The following PPP3R1 variants were observed in gnomAD, a reference collection of about 807,000 sequenced individuals.
PPP3R1 encodes the protein calcineurin subunit B type 1.
PPP3R1 carries 5 observed loss-of-function variants against 22.6 expected under a neutral mutation model. The ratio of observed to expected loss-of-function variants is 0.22; its 90% confidence interval spans 0.12 to 0.46. The LOEUF (loss-of-function observed/expected upper bound fraction) is 0.46, where lower values mean the gene tolerates loss of function less well. PPP3R1 is among the 20% of genes least tolerant of loss of function. PPP3R1 has a pLI of 0.99. For synonymous variants in PPP3R1, 56 were observed against 65.2 expected, an observed-to-expected ratio of 0.86 and a Z score of 0.68; for missense variants, 61 against 203.2, an observed-to-expected ratio of 0.30 and a Z score of 4.25.
chr2:68,220,619 G>C (rs778791679), intron 1 of PPP3R1, among the ~76,000 whole-genome samples: 2 of 152,124 alleles, frequency 1.3e-5, no homozygotes, highest in South Asian at 2.1e-4. Context: ...AAACTCTTAC[G>C]TTCTTTAAAG....
chr2:68,232,223 ATGTGT>A (rs1669926919), intron 1 of PPP3R1, among the ~76,000 whole-genome samples: 2 of 45,760 alleles, frequency 4.4e-5, no homozygotes, highest in African/African-American at 1.4e-4. Context: ...ATATGTATAT[ATGTGT>A]GTGTGTGTGT....
chr2:68,200,977 C>T (rs1242336153), intron 2 of PPP3R1, among the ~76,000 whole-genome samples: 1 of 152,016 alleles, frequency 6.6e-6, no homozygotes, highest in Non-Finnish European at 1.5e-5. Flanking sequence ...ACAAATATAC[C>T]TTCAAGTATT....
chr2:68,228,332 G>T (rs796117185), intron 1 of PPP3R1, among the ~76,000 whole-genome samples: 6 of 152,140 alleles, frequency 3.9e-5, no homozygotes, highest in African/African-American at 1.4e-4. Flanking sequence ...TGAGGATGTT[G>T]GTCCATAGTT....
At chr2:68,182,074 C>G (rs369581612) in intron 5 of PPP3R1, among the ~76,000 whole-genome samples, 4,678 of 54,118 alleles carry the variant, frequency 0.086, 393 homozygotes, top group African/African-American at 0.33. Flanking sequence ...TCCTCCAACC[C>G]CCCCCTCCCC....
Position 68,217,385 on chromosome 2 carries a change from A to G in PPP3R1, c.4-254T>C, listed in dbSNP as rs79252491. On this transcript the variant is annotated intron_variant, in intron 1 of 5. Transcript: ENST00000234310. ...ATTTATGCAAATATTTGATTGCAAT[A>G]TATTTCAAATATTTTCTAATACCCT... Among the ~76,000 whole-genome samples, 276 of 152,272 alleles carry G rather than the reference A, an allele frequency of 1.8e-3. 7 individuals are homozygous for G. In the East Asian group the frequency reaches 0.05, roughly 28 times the overall value.
intron 5 of PPP3R1, among the ~76,000 whole-genome samples, chr2:68,185,436 CTTATA>C (rs996550848): frequency 1.5e-5 from 2 of 130,280 alleles, no homozygotes; most frequent in African/African-American, 5.1e-5. Context: ...ATTTATATTT[CTTATA>C]TTTATATTAT....
intron 2 of PPP3R1, among the ~76,000 whole-genome samples, chr2:68,198,031 G>T: frequency 1.2e-5 from 1 of 84,450 alleles, no homozygotes; most frequent in African/African-American, 4.5e-5. Context: ...CTGTTTTGTT[G>T]AAAAGGCTCC....
chr2:68,232,292 T>C (rs1479738850), intron 1 of PPP3R1, among the ~76,000 whole-genome samples: 3 of 135,554 alleles, frequency 2.2e-5, no homozygotes, highest in Non-Finnish European at 3.2e-5. Flanking sequence ...CACACAAAAA[T>C]TAGCCAGGCG....
intron 1 of PPP3R1, among the ~76,000 whole-genome samples, chr2:68,234,337 C>T (rs539188609): frequency 4.7e-5 from 7 of 150,340 alleles, no homozygotes; most frequent in African/African-American, 1.5e-4. Context: ...AGTGAGACTC[C>T]GTCCAAAAAA....
intron 5 of PPP3R1, among the ~76,000 whole-genome samples, chr2:68,184,878 A>C (rs779624892): frequency 6.6e-6 from 1 of 152,206 alleles, no homozygotes; most frequent in Non-Finnish European, 1.5e-5. Context: ...GCTTGAAGCT[A>C]GGAGCTGGAG....
chr2:68,238,709 T>C (rs1670063470), intron 1 of PPP3R1, among the ~76,000 whole-genome samples: 3 of 152,130 alleles, frequency 2.0e-5, no homozygotes, highest in Admixed American at 1.3e-4. Flanking sequence ...GCTATCAAAA[T>C]AGCCCACCTG....
intron 3 of PPP3R1, 123 bp from the exon 4 acceptor site, chr2:68,187,437 C>G: frequency 1.3e-6 from 1 of 797,048 alleles, no homozygotes; most frequent in South Asian, 2.0e-5. Flanking sequence ...CTACTAGCAA[C>G]GTTTAAAAAT....
At chr2:68,233,467 A>G (rs1292282010) in intron 1 of PPP3R1, among the ~76,000 whole-genome samples, 1 of 152,220 alleles carries the variant, frequency 6.6e-6, no homozygotes, top group Non-Finnish European at 1.5e-5. Context: ...TTTTCTAGGA[A>G]TGAGACTTCC....
chr2:68,244,097 G>C (rs999825597), intron 1 of PPP3R1, among the ~76,000 whole-genome samples: 1 of 151,950 alleles, frequency 6.6e-6, no homozygotes, highest in Admixed American at 6.6e-5. Flanking sequence ...ATTAACATAC[G>C]GATCTAAAAC....
At chr2:68,202,434 T>C (rs1424484567) in intron 2 of PPP3R1, among the ~76,000 whole-genome samples, 1 of 144,922 alleles carries the variant, frequency 6.9e-6, no homozygotes. Flanking sequence ...GTTGTTGTTG[T>C]TGTTTTTTGA....
intron 1 of PPP3R1, among the ~76,000 whole-genome samples, chr2:68,251,825 G>T (rs1670365165): frequency 6.7e-6 from 1 of 148,856 alleles, no homozygotes; most frequent in Non-Finnish European, 1.5e-5. Context: ...GCCCGCGGGG[G>T]TCGATGCCGG....
At chr2:68,182,383 C>T (rs968942591) in intron 5 of PPP3R1, among the ~76,000 whole-genome samples, 16 of 152,134 alleles carry the variant, frequency 1.1e-4, no homozygotes, top group Non-Finnish European at 2.4e-4. Flanking sequence ...TTAAAGTTTT[C>T]AGCTGACTTG....
At chr2:68,245,034 T>C (rs1670208200) in intron 1 of PPP3R1, among the ~76,000 whole-genome samples, 1 of 152,214 alleles carries the variant, frequency 6.6e-6, no homozygotes, top group South Asian at 2.1e-4. Flanking sequence ...TTCTTAATCT[T>C]CATCTTTACA....
chr2:68,190,809 C>G (rs1236701397), intron 2 of PPP3R1, among the ~76,000 whole-genome samples: 2 of 152,210 alleles, frequency 1.3e-5, no homozygotes, highest in Admixed American at 1.3e-4. Flanking sequence ...TGGCTCACTA[C>G]TGAATTTTAG....
Sources: gnomAD v4.1 joint callset for allele counts (sites outside exome capture counted in the v4.1 genomes callset) on GRCh38, gnomAD v4.1.1 for gene constraint, MANE v1.5 for transcripts, NCBI Gene and HGNC (gene_info 2026-07-23, HGNC 2026-07-21) for gene names.